Variants in DTWD2 observed in about 807,000 individuals in gnomAD.
The protein encoded by DTWD2 is tRNA-uridine aminocarboxypropyltransferase 2.
In DTWD2, 39 loss-of-function variants were observed where a neutral mutation model predicts 31.8. The ratio of observed to expected loss-of-function variants is 1.22; its 90% CI spans 0.95 to 1.60. The LOEUF (loss-of-function observed/expected upper bound fraction) is 1.60, where lower values mean the gene tolerates loss of function less well. DTWD2 is among the 40% of genes most tolerant of loss of function. DTWD2 has a pLI of 0.00. For missense variants in DTWD2, 515 were observed against 381.5 expected (o/e 1.35, Z -2.92); for synonymous variants, 180 against 142.8 (o/e 1.26, Z -1.86).
intron 4 of DTWD2, among the ~76,000 whole-genome samples, chr5:118,868,003 T>C (rs1395529613): frequency 6.6e-6 from 1 of 152,184 alleles, no homozygotes; most frequent in Non-Finnish European, 1.5e-5. Context: ...GGATATCCCA[T>C]ACTTTCTGAT....
At chr5:118,887,649 C>T (rs575235118) in intron 4 of DTWD2, among the ~76,000 whole-genome samples, 4 of 152,216 alleles carry the variant, frequency 2.6e-5, no homozygotes, top group South Asian at 4.1e-4. Context: ...GACAGGGACT[C>T]GCTGTTTTAC....
At chr5:118,878,317 T>C (rs1386469429) in intron 4 of DTWD2, among the ~76,000 whole-genome samples, 3 of 151,980 alleles carry the variant, frequency 2.0e-5, no homozygotes, top group African/African-American at 4.8e-5. Flanking sequence ...AACAGACACA[T>C]AAACCAATGG....
chr5:118,906,783 C>A (rs1030709130), intron 4 of DTWD2, among the ~76,000 whole-genome samples: 2 of 152,098 alleles, frequency 1.3e-5, no homozygotes, highest in African/African-American at 4.8e-5. Flanking sequence ...AATGGTTTTA[C>A]AAGTGTGCAT....
At chr5:118,956,735 C>A (rs1754595707) in intron 1 of DTWD2, among the ~76,000 whole-genome samples, 2 of 152,056 alleles carry the variant, frequency 1.3e-5, no homozygotes, top group South Asian at 2.1e-4. Context: ...AATGTGGAAC[C>A]CAGAAAAATA....
chr5:118,910,887 G>A (rs138763965), intron 4 of DTWD2, among the ~76,000 whole-genome samples: 8 of 152,206 alleles, frequency 5.3e-5, no homozygotes, highest in African/African-American at 1.4e-4. Context: ...TCTCAAATGG[G>A]GGAAGGCACA....
At chr5:118,956,602 AT>A (rs1754593604) in intron 1 of DTWD2, among the ~76,000 whole-genome samples, 1 of 152,222 alleles carries the variant, frequency 6.6e-6, no homozygotes, top group African/African-American at 2.4e-5. Context: ...TTCTTATATA[AT>A]ATTCACTGAA....
At chr5:118,892,269 C>G (rs1001121375) in intron 4 of DTWD2, among the ~76,000 whole-genome samples, 1 of 151,948 alleles carries the variant, frequency 6.6e-6, no homozygotes, top group Non-Finnish European at 1.5e-5. Context: ...ACAAGCATAC[C>G]TCAAATTTTA....
chr5:118,963,346 TCA>T (rs1326454268), intron 1 of DTWD2, among the ~76,000 whole-genome samples: 1 of 152,184 alleles, frequency 6.6e-6, no homozygotes. Flanking sequence ...GAGGAGCTTT[TCA>T]CAGAGACAGA....
rs1752551450 is a variant in DTWD2 at position 118,873,429 on chromosome 5, CA to C, written c.598-25212del. ...CTGGGGGCCTATACCATACCTTCTG[CA>C]CAGACAGACTGTGCCTGTCTGGTAG... On this transcript the variant is annotated intron_variant, in intron 4 of 5. Coordinates refer to ENST00000510708, the MANE Select transcript of DTWD2 (RefSeq NM_173666.4). Among the ~76,000 whole-genome samples, 5 of 152,312 alleles carry C rather than the reference CA, an allele frequency of 3.3e-5. No homozygotes were observed. The South Asian group carries it at 8.3e-4, about 25-fold the overall frequency.
chr5:118,855,941 G>C (rs1432198332), intron 4 of DTWD2, among the ~76,000 whole-genome samples: 2 of 152,006 alleles, frequency 1.3e-5, no homozygotes, highest in Non-Finnish European at 2.9e-5. Context: ...AAATAGAATA[G>C]GTAATAGTTG....
intron 4 of DTWD2, among the ~76,000 whole-genome samples, chr5:118,917,283 G>A (rs1193156379): frequency 6.6e-6 from 1 of 152,048 alleles, no homozygotes; most frequent in African/African-American, 2.4e-5. Context: ...TTTTACAAAA[G>A]GACATCTTAC....
intron 4 of DTWD2, among the ~76,000 whole-genome samples, chr5:118,910,614 T>C (rs1184237092): frequency 1.3e-5 from 2 of 152,202 alleles, no homozygotes; most frequent in South Asian, 2.1e-4. Flanking sequence ...TGCCAAATTC[T>C]TCCAGACTCT....
intron 4 of DTWD2, among the ~76,000 whole-genome samples, chr5:118,861,574 A>AC (rs1554062272): frequency 6.6e-5 from 10 of 151,362 alleles, no homozygotes; most frequent in Non-Finnish European, 1.0e-4. Flanking sequence ...AACGAAACTG[A>AC]TTTTTTTTTA....
chr5:118,921,197 A>G (rs2161348), intron 4 of DTWD2, among the ~76,000 whole-genome samples: 11,776 of 152,196 alleles, frequency 0.077, 892 homozygotes, highest in African/African-American at 0.2. Flanking sequence ...GAAGCCAAAA[A>G]GATCCAGAGG....
intron 3 of DTWD2, among the ~76,000 whole-genome samples, chr5:118,932,947 A>C (rs866039452): frequency 1.3e-5 from 2 of 152,180 alleles, no homozygotes; most frequent in South Asian, 4.1e-4. Flanking sequence ...CAAAAAAAAA[A>C]GAGCAAAGAC....
intron 4 of DTWD2, among the ~76,000 whole-genome samples, chr5:118,880,709 T>A (rs1580783595): frequency 6.6e-6 from 1 of 152,172 alleles, no homozygotes; most frequent in East Asian, 1.9e-4. Flanking sequence ...AAAATAATAT[T>A]ATCTTTCTCA....
intron 3 of DTWD2, among the ~76,000 whole-genome samples, chr5:118,937,320 TTACAGTTAATG>T (rs1754064738): frequency 6.6e-6 from 1 of 151,486 alleles, no homozygotes; most frequent in African/African-American, 2.4e-5. Flanking sequence ...AACATGGTTA[TTACAGTTAATG>T]TATTGTATAC....
chr5:118,866,650 G>A (rs970885757), intron 4 of DTWD2, among the ~76,000 whole-genome samples: 1 of 152,098 alleles, frequency 6.6e-6, no homozygotes, highest in Non-Finnish European at 1.5e-5. Context: ...CGGGGGTGGT[G>A]GCTCATGGCT....
chr5:118,870,718 G>A (rs1752482719), intron 4 of DTWD2, among the ~76,000 whole-genome samples: 1 of 152,116 alleles, frequency 6.6e-6, no homozygotes, highest in African/African-American at 2.4e-5. Context: ...TGGGTAGGCT[G>A]TGGCAATTTC....
Sources: allele counts gnomAD v4.1 joint callset (sites outside exome capture counted in the v4.1 genomes callset), GRCh38; gene constraint gnomAD v4.1.1; transcripts MANE v1.5; gene names NCBI Gene and HGNC (gene_info 2026-07-23, HGNC 2026-07-21).